The following PVT1 variants were observed in gnomAD, a reference collection of about 807,000 sequenced individuals.
The protein encoded by PVT1 is CXCR4/PVT1 fusion.
intron 6 of PVT1, among the ~76,000 whole-genome samples, chr8:128,098,329 C>T (rs1814454666): frequency 6.6e-6 from 1 of 152,152 alleles, no homozygotes. Flanking sequence ...CTAGGCGGAG[C>T]AGATGGGATG....
chr8:127,958,071 G>A (rs183744670), intron 3 of PVT1, among the ~76,000 whole-genome samples: 14 of 152,320 alleles, frequency 9.2e-5, no homozygotes, highest in South Asian at 2.1e-4. Flanking sequence ...AAGGGAACAC[G>A]GGCGTGGCAT....
chr8:127,887,013 T>C (rs573996590), intron 2 of PVT1, among the ~76,000 whole-genome samples: 2 of 152,322 alleles, frequency 1.3e-5, no homozygotes, highest in South Asian at 4.1e-4. Context: ...TCTGACTCCC[T>C]AGTATTGGGC....
intron 3 of PVT1, among the ~76,000 whole-genome samples, chr8:127,906,939 C>G (rs1283709408): frequency 7.9e-5 from 12 of 151,770 alleles, no homozygotes; most frequent in Admixed American, 7.9e-4. Context: ...TCCCAGCCTT[C>G]CCTGGCACTC....
At chr8:127,968,738 G>GTCATCTTGGGGTATGGTGAGC (rs1384974032) in intron 3 of PVT1, among the ~76,000 whole-genome samples, 2 of 152,178 alleles carry the variant, frequency 1.3e-5, no homozygotes, top group Non-Finnish European at 2.9e-5. Flanking sequence ...TTATGGTGAG[G>GTCATCTTGGGGTATGGTGAGC]TCATCTTGGG....
chr8:127,850,490 T>C (rs1046156858), intron 2 of PVT1, among the ~76,000 whole-genome samples: 3 of 152,096 alleles, frequency 2.0e-5, no homozygotes, highest in Admixed American at 2.0e-4. Context: ...ATGATTGGTG[T>C]AGATTTCATA....
intron 2 of PVT1, among the ~76,000 whole-genome samples, chr8:127,870,031 T>A (rs1204284515): frequency 6.6e-6 from 1 of 152,174 alleles, no homozygotes; most frequent in Non-Finnish European, 1.5e-5. Context: ...CTCGAACTCC[T>A]GACCTTCAGT....
At chr8:127,890,658 G>A (rs1439106717) in exon 3 of PVT1, 1 of 152,236 alleles carries the variant, frequency 6.6e-6, no homozygotes, top group Non-Finnish European at 1.5e-5. Context: ...CAGCTGCATG[G>A]AGCTTCGTTC....
At chr8:128,009,054 G>T in intron 4 of PVT1, 1 of 365,572 alleles carries the variant, frequency 2.7e-6, no homozygotes. Flanking sequence ...TTTATCAAGT[G>T]ACATAATCAA....
At chr8:127,891,893 G>A (rs1297282330) in intron 3 of PVT1, among the ~76,000 whole-genome samples, 1 of 152,202 alleles carries the variant, frequency 6.6e-6, no homozygotes, top group Non-Finnish European at 1.5e-5. Context: ...AGCTGGGTTG[G>A]CCACAAAGGC....
chr8:128,052,704 C>A (rs893379712), intron 4 of PVT1, among the ~76,000 whole-genome samples: 15 of 152,324 alleles, frequency 9.8e-5, no homozygotes, highest in African/African-American at 3.6e-4. Context: ...AGAATGAGGT[C>A]AATTGTGTTT....
intron 2 of PVT1, among the ~76,000 whole-genome samples, chr8:127,812,955 G>T (rs1452271976): frequency 2.0e-5 from 3 of 151,964 alleles, no homozygotes; most frequent in Non-Finnish European, 2.9e-5. Flanking sequence ...CATTTAGGAG[G>T]CACAGAGTGA....
intron 3 of PVT1, among the ~76,000 whole-genome samples, chr8:127,920,379 A>G (rs1816041842): frequency 6.6e-6 from 1 of 152,292 alleles, no homozygotes; most frequent in Admixed American, 6.5e-5. Context: ...CAGAAGCCCA[A>G]CTTTCCAGAT....
intron 4 of PVT1, among the ~76,000 whole-genome samples, chr8:127,999,935 G>T (rs1358131710): frequency 6.6e-6 from 1 of 152,208 alleles, no homozygotes; most frequent in Non-Finnish European, 1.5e-5. Flanking sequence ...TGAGTCAGAT[G>T]CATGTAGAAA....
Position 128,059,207 on chromosome 8 carries a change from C to G in PVT1, n.913-10953C>G, listed in dbSNP as rs756462402. On this transcript the variant is annotated intron_variant and non_coding_transcript_variant, in intron 4 of 10. Coordinates refer to ENST00000651587, the Ensembl canonical transcript of PVT1. The stretch of plus-strand genomic sequence containing the variant: ...TCCTGGCTTTTTCATGTGAGAACCC[C>G]CTTTGTACAATTATGATAAGGTTTG... Among the ~76,000 whole-genome samples, 102 of 152,130 alleles carry G rather than the reference C, an allele frequency of 6.7e-4. 2 individuals carry two copies. Among genetic ancestry groups the G allele is most frequent in the Non-Finnish European group, 1.0e-3 (71 of 68,014 alleles).
chr8:128,005,767 C>T (rs1817239166), intron 4 of PVT1, among the ~76,000 whole-genome samples: 1 of 152,126 alleles, frequency 6.6e-6, no homozygotes, highest in South Asian at 2.1e-4. Flanking sequence ...TCACACACTG[C>T]TGCTGAAAGG....
At chr8:128,093,880 C>T (rs1011973289) in intron 5 of PVT1, among the ~76,000 whole-genome samples, 13 of 152,180 alleles carry the variant, frequency 8.5e-5, no homozygotes, top group African/African-American at 2.7e-4. Context: ...TCGTGATCTG[C>T]CCGCCTCAGC....
At chr8:127,841,741 T>C (rs959745421) in intron 2 of PVT1, among the ~76,000 whole-genome samples, 6 of 151,742 alleles carry the variant, frequency 4.0e-5, no homozygotes, top group Admixed American at 2.0e-4. Context: ...TTTTTTCTTC[T>C]TTCTGAGACA....
intron 2 of PVT1, among the ~76,000 whole-genome samples, chr8:127,883,605 A>T: frequency 6.6e-6 from 1 of 152,284 alleles, no homozygotes. Context: ...CATGTACCCT[A>T]AAACTTAAAG....
intron 3 of PVT1, among the ~76,000 whole-genome samples, chr8:127,946,259 G>A (rs143844265): frequency 2.8e-4 from 42 of 152,332 alleles, no homozygotes; most frequent in Middle Eastern, 6.8e-3. Context: ...TAATATATCA[G>A]ACACTCTTAG....
Sources: gnomAD v4.1 joint callset for allele counts (sites outside exome capture counted in the v4.1 genomes callset) on GRCh38, gnomAD v4.1.1 for gene constraint, MANE v1.5 for transcripts, NCBI Gene and HGNC (gene_info 2026-07-23, HGNC 2026-07-21) for gene names.